Variants in PLD2 observed in about 807,000 individuals in gnomAD.
PLD2 encodes the protein phospholipase D2, also known as choline phosphatase 2.
PLD2 carries 101 observed loss-of-function variants against 119.8 expected under a neutral mutation model. The observed-to-expected ratio is 0.84, with a 90% CI of 0.72 to 0.99. PLD2 has a LOEUF of 0.99. PLD2 is among the 50% of genes least tolerant of loss of function. The pLI is 0.00. For missense variants in PLD2, 1,164 were observed against 1,226.8 expected (o/e 0.95, Z 0.76); for synonymous variants, 494 against 482.8 (o/e 1.02, Z -0.30).
chr17:4,808,244 G>A lies in PLD2; in HGVS notation c.241-30G>A. The A allele has an allele frequency of 6.2e-7, 1 of 1,611,754 alleles. No individual in the cohort carries two copies. The highest frequency in any genetic ancestry group is 8.5e-7 in the Non-Finnish European group (1 of 1,178,450). Reference sequence around the variant, plus strand: ...GTGGGGAGGCGGGGACCCACGCAGGGGACATCCATTCAGTTCCTCATACCC... The same window carrying A: ...GTGGGGAGGCGGGGACCCACGCAGGAGACATCCATTCAGTTCCTCATACCC... On this transcript the variant is annotated intron_variant, in intron 3 of 24. Transcript: ENST00000263088. The surrounding 1 kb of genome is among the most constrained non-coding windows in gnomAD (Gnocchi z 4.1).
At position 4,808,537 on chromosome 17, in the gene PLD2, T is replaced by C; in HGVS notation, c.383+121T>C. 1.1e-6 allele frequency: 1 copy of C among 905,498 alleles called. No homozygotes were observed. Among genetic ancestry groups the C allele is most frequent in the African/African-American group, 1.7e-5 (1 of 60,232 alleles). The allele number at this position is 905,498 out of a possible 1,614,324, so 56.1% of individuals were successfully genotyped here. On this transcript the variant is annotated intron_variant, in intron 4 of 24. Coordinates refer to ENST00000263088, the MANE Select transcript of PLD2 (RefSeq NM_002663.5). This position sits in a 1 kb window ranked among gnomAD's most constrained non-coding sequence, Gnocchi z 4.1. The stretch of plus-strand genomic sequence containing the variant: ...ACTCTGGCCACTGTGCTGCCTCCCC[T>C]GACCCCAGTTACCAGGAAACTTTCC...
intron 23 of PLD2, 30 bp from the exon 24 acceptor site, chr17:4,821,763 T>C (rs1907688396): frequency 6.8e-7 from 1 of 1,466,892 alleles, no homozygotes; most frequent in South Asian, 1.1e-5. Flanking sequence ...GATCTTAATC[T>C]GGCCCTGCTG....
intron 10 of PLD2, chr17:4,814,167 T>C (rs996220264): frequency 2.1e-5 from 9 of 421,028 alleles, no homozygotes; most frequent in East Asian, 5.1e-5. Flanking sequence ...ATTGGTGTTC[T>C]TTATGTATGA....
Position 4,810,931 on chromosome 17 carries a change from G to A in PLD2, c.990G>A (p.Arg330=). ...LHRHDSYAPP[R]PGTLARWFVN... is the part of the protein sequence containing the mutation. ...GGCATGACAGCTACGCCCCACCCCG[G>A]CCTGGGACCTTGGCCCGGTGGTGAG... is the stretch of plus-strand genomic sequence containing the variant. The change falls in exon 10 of 25, where the codon CGG becomes CGA. Residue 330 remains arginine, a synonymous_variant. Transcript: ENST00000263088. 1 of 1,611,984 alleles carries A rather than the reference G, an allele frequency of 6.2e-7. No individual in the cohort carries two copies. The highest frequency in any genetic ancestry group is 1.1e-5 in the South Asian group (1 of 90,992).
Position 4,819,601 on chromosome 17 carries a change from G to A in PLD2, c.2462+19G>A, listed in dbSNP as rs1907435611. The A allele has an allele frequency of 6.3e-7, 1 of 1,594,114 alleles. No homozygotes were observed. Among genetic ancestry groups the A allele is most frequent in the African/African-American group, 1.3e-5 (1 of 74,862 alleles). ...GCTTCGGGTAGAGCTGGGGCGGGAT[G>A]CCACAGGGTGGGAGGGAGATGGGGG... is the stretch of plus-strand genomic sequence containing the variant. On this transcript the variant is annotated intron_variant, in intron 23 of 24. Coordinates refer to ENST00000263088, the MANE Select transcript of PLD2 (RefSeq NM_002663.5). This position sits in a 1 kb window ranked among gnomAD's most constrained non-coding sequence, Gnocchi z 4.2.
At chr17:4,811,412 G>C (rs1397353944) in intron 10 of PLD2, among the ~76,000 whole-genome samples, 1 of 150,376 alleles carries the variant, frequency 6.6e-6, no homozygotes, top group African/African-American at 2.4e-5. Context: ...GAGTAGCCGG[G>C]ATTACAGGCG....
At chr17:4,812,033 T>C (rs1200729071) in intron 10 of PLD2, among the ~76,000 whole-genome samples, 2 of 151,570 alleles carry the variant, frequency 1.3e-5, no homozygotes, top group African/African-American at 4.9e-5. Context: ...GGGTGTGGTC[T>C]CGAACTCCTG....
In PLD2 at chr17:4,808,065, C is replaced by G. The variant is rs939322164; in HGVS notation, c.191C>G (p.Pro64Arg). The change falls in exon 3 of 25, where the codon CCT becomes CGT. Residue 64 changes from proline (P) to arginine (R), a missense_variant. By Grantham distance (103) the Pro-to-Arg change is moderately radical (BLOSUM62 -2). Transcript: ENST00000263088. The surrounding 1 kb of genome is among the most constrained non-coding windows in gnomAD (Gnocchi z 4.1). ...CCCTTGGTGTTCGCACCTGGGGTCC[C>G]TGTCACAGCCCAGGTGGTGGGCACC... ...VHPLVFAPGV[P>R]VTAQVVGTER... The G allele has an allele frequency of 2.5e-6, 4 of 1,612,320 alleles. No homozygotes were observed. The highest frequency in any genetic ancestry group is 2.5e-6 in the Non-Finnish European group (3 of 1,178,542).
chr17:4,818,715 T>C, intron 20 of PLD2, 59 bp from the exon 21 acceptor site: 1 of 1,602,798 alleles, frequency 6.2e-7, no homozygotes, highest in Non-Finnish European at 8.5e-7. Flanking sequence ...GGGCCACCTC[T>C]CCTGACCTCC....
chr17:4,807,693 T>G lies in PLD2; in HGVS notation c.-1-79T>G. The G allele has an allele frequency of 1.3e-6, 1 of 782,086 alleles. No individual in the cohort carries two copies. Among genetic ancestry groups the G allele is most frequent in the Non-Finnish European group, 2.2e-6 (1 of 462,506 alleles). 48.4% of individuals were successfully genotyped at this position (782,086 alleles called of 1,614,324 possible). On this transcript the variant is annotated intron_variant, in intron 1 of 24. Coordinates refer to ENST00000263088, the MANE Select transcript of PLD2 (RefSeq NM_002663.5). This position sits in a 1 kb window ranked among gnomAD's most constrained non-coding sequence, Gnocchi z 5.4. Reference sequence around the variant, plus strand: ...GGGGAAGAGGAGGATCTGGAAGAGATGGAGGACCTGCGGGAGTTAGGATGG... The same window carrying G: ...GGGGAAGAGGAGGATCTGGAAGAGAGGGAGGACCTGCGGGAGTTAGGATGG...
rs1371548660 is a variant in PLD2, at chr17:4,818,358, T to C, written c.1982T>C (p.Ile661Thr). The C allele has an allele frequency of 6.2e-7, 1 of 1,613,966 alleles. No homozygotes were observed. The highest frequency in any genetic ancestry group is 2.2e-5 in the East Asian group (1 of 44,898). ...GTTCTGAACAAGGTGGGCGATGAGA[T>C]TGTGGACAGAATCCTGAAGGCCCAC... is the stretch of plus-strand genomic sequence containing the variant. ...RTVLNKVGDEIVDRILKAHKQ... is the reference protein window; with the variant it reads ...RTVLNKVGDETVDRILKAHKQ... Residue 661 changes from isoleucine to threonine, a missense_variant, in exon 19 of 25, where the codon ATT becomes ACT. Ile to Thr is a moderately conservative substitution (Grantham distance 89). Coordinates refer to ENST00000263088, the MANE Select transcript of PLD2 (RefSeq NM_002663.5).
rs758285096 is a variant in PLD2, at chr17:4,819,194, G to A, written c.2284G>A (p.Ala762Thr). ...CTACATCCACAGCAAGGTGCTCATC[G>A]CAGATGACCGGACAGTCATCATTGG... is the stretch of plus-strand genomic sequence containing the variant. ...LIYIHSKVLI[A>T]DDRTVIIGSA... The change falls in exon 22 of 25, where the codon GCA becomes ACA. Residue 762 changes from alanine (A) to threonine (T), a missense_variant. Transcript: ENST00000263088. This position sits in a 1 kb window ranked among gnomAD's most constrained non-coding sequence, Gnocchi z 4.2. 7.4e-6 allele frequency: 12 copies of A among 1,614,092 alleles called. No homozygotes were observed. Among genetic ancestry groups the A allele is most frequent in the African/African-American group, 4.0e-5 (3 of 75,060 alleles).
chr17:4,814,265 A>G (rs1906749597), intron 10 of PLD2, 153 bp from the exon 11 acceptor site: 3 of 1,216,780 alleles, frequency 2.5e-6, no homozygotes, highest in South Asian at 1.5e-5. Flanking sequence ...GGCAAACACT[A>G]TTTTGATGTG....
Position 4,819,196 on chromosome 17 carries a change from A to G in PLD2, c.2286A>G (p.Ala762=). 1 of 1,614,090 alleles carries G rather than the reference A, an allele frequency of 6.2e-7. No individual in the cohort carries two copies. The highest frequency in any genetic ancestry group is 1.7e-5 in the Admixed American group (1 of 59,998). The stretch of plus-strand genomic sequence containing the variant: ...ACATCCACAGCAAGGTGCTCATCGC[A>G]GATGACCGGACAGTCATCATTGGTC... ...LIYIHSKVLI[A]DDRTVIIGSA... Residue 762 remains alanine (A), a synonymous_variant, in exon 22 of 25, where the codon GCA becomes GCG. Transcript: ENST00000263088. The surrounding 1 kb of genome is among the most constrained non-coding windows in gnomAD (Gnocchi z 4.2).
intron 12 of PLD2, among the ~76,000 whole-genome samples, chr17:4,815,243 A>G (rs542838415): frequency 2.0e-5 from 3 of 152,080 alleles, no homozygotes; most frequent in East Asian, 1.9e-4. Flanking sequence ...GCTTGGGAAG[A>G]TGGATGGATG....
intron 10 of PLD2, among the ~76,000 whole-genome samples, chr17:4,812,180 A>C (rs1906538124): frequency 6.8e-6 from 1 of 147,212 alleles, no homozygotes; most frequent in Admixed American, 6.8e-5. Context: ...GCAGTGGCAC[A>C]ATCTCAGCTC....
chr17:4,820,465 G>C (rs573715786), intron 23 of PLD2, among the ~76,000 whole-genome samples: 1 of 144,832 alleles, frequency 6.9e-6, no homozygotes, highest in Non-Finnish European at 1.5e-5. Context: ...ACAGGGTTTC[G>C]CTGTGTTGGC....
rs780409925 is a variant in PLD2, at chr17:4,818,870, G to A, written c.2173+47G>A. ...CTCAAGCCCTGGGCCCCTGGGAGAG[G>A]GAGATTGGGGCGCTGCAGGCCTGGG... On this transcript the variant is annotated intron_variant, in intron 21 of 24. Transcript: ENST00000263088. 1.9e-6 allele frequency: 3 copies of A among 1,594,076 alleles called. No individual in the cohort carries two copies. In the South Asian group the frequency reaches 3.3e-5, roughly 18 times the overall value.
At position 4,819,600 on chromosome 17, in the gene PLD2, T is replaced by A. The variant is rs1460961834; in HGVS notation, c.2462+18T>A. 2 of 1,593,900 alleles carry A rather than the reference T, an allele frequency of 1.3e-6. No homozygotes were observed. Among genetic ancestry groups the A allele is most frequent in the Non-Finnish European group, 1.7e-6 (2 of 1,168,544 alleles). On this transcript the variant is annotated intron_variant, in intron 23 of 24. Transcript: ENST00000263088. The surrounding 1 kb of genome is among the most constrained non-coding windows in gnomAD (Gnocchi z 4.2). ...TGCTTCGGGTAGAGCTGGGGCGGGA[T>A]GCCACAGGGTGGGAGGGAGATGGGG...
Sources: allele counts gnomAD v4.1 joint callset (sites outside exome capture counted in the v4.1 genomes callset), GRCh38; gene constraint gnomAD v4.1.1; non-coding constraint Gnocchi (gnomAD v3.1); transcripts MANE v1.5; gene names NCBI Gene and HGNC (gene_info 2026-07-23, HGNC 2026-07-21).